FGF13: variants seen among roughly 807,000 people sequenced by gnomAD.
The protein encoded by FGF13 is fibroblast growth factor homologous factor 2.
A neutral mutation model predicts 19.5 loss-of-function variants in FGF13; 2 were observed. The observed-to-expected ratio is 0.10, with a 90% CI of 0.04 to 0.32. FGF13 has a LOEUF of 0.32. Ranked by LOEUF, FGF13 falls within the 10% of genes least tolerant of loss-of-function variation. The pLI is 1.00. For synonymous variants in FGF13, 72 were observed against 76.9 expected, an observed-to-expected ratio of 0.94 and a Z score of 0.33; for missense variants, 113 against 192.7, an observed-to-expected ratio of 0.59 and a Z score of 2.45.
At chrX:139,069,524 T>A (rs1370487892) in intron 1 of FGF13, among the ~76,000 whole-genome samples, 1 of 95,019 alleles carries the variant, frequency 1.1e-5, no homozygotes, top group Non-Finnish European at 2.1e-5. Context: ...GATGACGAGT[T>A]CGTGGGTGCA....
chrX:138,855,902 G>A (rs1241440655), downstream of FGF13, among the ~76,000 whole-genome samples: 1 of 110,374 alleles, frequency 9.1e-6, no homozygotes, highest in African/African-American at 3.3e-5. Context: ...CTTCTTAACT[G>A]GCTTATTTTT....
chrX:139,178,690 A>G (rs979907212), intron 1 of FGF13, among the ~76,000 whole-genome samples: 9 of 112,258 alleles, frequency 8.0e-5, no homozygotes, highest in African/African-American at 2.3e-4. Context: ...AACAAACATC[A>G]AACAAGTTAT....
chrX:138,992,203 C>T (rs1001542772), intron 1 of FGF13, among the ~76,000 whole-genome samples: 1 of 110,272 alleles, frequency 9.1e-6, no homozygotes, highest in Admixed American at 9.8e-5. Context: ...ATTTAGCTGT[C>T]GATTTAGGAG....
At chrX:139,030,979 C>A (rs183703306) in intron 1 of FGF13, among the ~76,000 whole-genome samples, 8 of 111,507 alleles carry the variant, frequency 7.2e-5, no homozygotes, top group South Asian at 3.7e-4. Flanking sequence ...CAGGCCTTGG[C>A]GGACTTATTT....
chrX:139,149,116 C>G (rs2083913348), intron 1 of FGF13, among the ~76,000 whole-genome samples: 1 of 111,953 alleles, frequency 8.9e-6, no homozygotes, highest in South Asian at 3.7e-4. Flanking sequence ...AGTATTTACA[C>G]AACCCTATTA....
chrX:138,770,415 T>C (rs866322061), intron 3 of FGF13, among the ~76,000 whole-genome samples: 1 of 110,762 alleles, frequency 9.0e-6, no homozygotes, highest in Non-Finnish European at 1.9e-5. Context: ...TGGTGCTGCG[T>C]CACCCTCAAC....
At chrX:138,875,936 G>A (rs893329154) in intron 1 of FGF13, among the ~76,000 whole-genome samples, 3 of 110,084 alleles carry the variant, frequency 2.7e-5, no homozygotes, top group Admixed American at 2.0e-4. Flanking sequence ...CAGATCTTGG[G>A]ACTTGCATAC....
intron 1 of FGF13, among the ~76,000 whole-genome samples, chrX:138,883,868 C>T (rs142224411): frequency 0.018 from 1,959 of 111,400 alleles, 24 homozygotes; most frequent in Non-Finnish European, 0.027. Context: ...CATTGGCATC[C>T]CCACACAAAG....
At chrX:139,154,919 G>A (rs1398962273) in intron 1 of FGF13, among the ~76,000 whole-genome samples, 1 of 111,576 alleles carries the variant, frequency 9.0e-6, no homozygotes, top group Non-Finnish European at 1.9e-5. Flanking sequence ...TTTAATATAA[G>A]GTAGACAACA....
intron 3 of FGF13, among the ~76,000 whole-genome samples, chrX:138,793,290 G>A (rs2090755561): frequency 1.8e-5 from 2 of 111,742 alleles, no homozygotes; most frequent in Admixed American, 1.9e-4. Flanking sequence ...ATTTGTTACG[G>A]CAACCACAGG....
intron 1 of FGF13, among the ~76,000 whole-genome samples, chrX:139,004,373 G>A (rs1056490134): frequency 1.2e-4 from 14 of 112,627 alleles, no homozygotes; most frequent in African/African-American, 4.5e-4. Flanking sequence ...GCCGGCAAGC[G>A]CCGCACGCAG....
chrX:138,743,541 G>T, upstream of FGF13, among the ~76,000 whole-genome samples: 1 of 111,218 alleles, frequency 9.0e-6, no homozygotes, highest in East Asian at 2.9e-4. Context: ...GGTGATAAGG[G>T]CATGTCAATA....
At chrX:138,739,994 T>G (rs1414528067), upstream of FGF13, among the ~76,000 whole-genome samples, 1 of 112,163 alleles carries the variant, frequency 8.9e-6, no homozygotes, top group Non-Finnish European at 1.9e-5. Context: ...CAGACTATTT[T>G]AGCATTACAC....
intron 2 of FGF13, among the ~76,000 whole-genome samples, chrX:138,858,665 A>G (rs751113245): frequency 5.4e-5 from 6 of 111,322 alleles, no homozygotes; most frequent in Admixed American, 9.6e-5. Flanking sequence ...GACTCATTCT[A>G]CTACCCGAAA....
intron 3 of FGF13, among the ~76,000 whole-genome samples, chrX:138,836,874 G>T (rs1266047231): frequency 1.1e-5 from 1 of 91,545 alleles, no homozygotes; most frequent in Non-Finnish European, 2.1e-5. Context: ...TGACCTTTTG[G>T]TGGTGGGTTT....
downstream of FGF13, among the ~76,000 whole-genome samples, chrX:138,855,681 T>A (rs2091253030): frequency 9.0e-6 from 1 of 111,542 alleles, no homozygotes; most frequent in Non-Finnish European, 1.9e-5. Context: ...AGAGTCTAAC[T>A]GCTACCTATT....
intron 3 of FGF13, among the ~76,000 whole-genome samples, chrX:138,698,181 G>C (rs1391155335): frequency 9.0e-6 from 1 of 110,844 alleles, no homozygotes. Context: ...GGAGGGTGCA[G>C]TGCAAGAATT....
intron 3 of FGF13, among the ~76,000 whole-genome samples, chrX:138,815,493 T>C (rs1245093517): frequency 1.8e-5 from 2 of 108,251 alleles, no homozygotes; most frequent in African/African-American, 6.7e-5. Flanking sequence ...CGGGAAAAAA[T>C]GAAAAAAAAT....
At chrX:138,748,112 C>A in intron 3 of FGF13, among the ~76,000 whole-genome samples, 1 of 111,854 alleles carries the variant, frequency 8.9e-6, no homozygotes, top group Non-Finnish European at 1.9e-5. Flanking sequence ...GTAAATGACA[C>A]TCAGAACATT....
Sources: allele counts gnomAD v4.1 joint callset (sites outside exome capture counted in the v4.1 genomes callset), GRCh38; gene constraint gnomAD v4.1.1; transcripts MANE v1.5; gene names NCBI Gene and HGNC (gene_info 2026-07-23, HGNC 2026-07-21).